The following DOCK3 variants were observed in gnomAD, a reference collection of about 807,000 sequenced individuals.
DOCK3 encodes the protein dedicator of cytokinesis protein 3.
Under a neutral mutation model 265.6 loss-of-function variants are expected in DOCK3, and 60 were observed. That is an observed-to-expected ratio of 0.23 (90% CI 0.18 to 0.28). The LOEUF (loss-of-function observed/expected upper bound fraction) is 0.28. Among genes scored for constraint, DOCK3 ranks in the 10% least tolerant of loss-of-function variants. The pLI is 1.00. For missense variants in DOCK3, 1,981 were observed against 2,594.3 expected, an observed-to-expected ratio of 0.76 and a Z score of 5.14; for synonymous variants, 881 against 938.0, an observed-to-expected ratio of 0.94 and a Z score of 1.11.
rs1022264802 is a variant in DOCK3 at position 50,924,691 on chromosome 3, C to T, written c.219-9290C>T. Among the ~76,000 whole-genome samples the T allele has an allele frequency of 2.6e-4, 39 of 152,150 alleles. 1 individual carries two copies. Among genetic ancestry groups the T allele is most frequent in the Admixed American group, 2.6e-3 (39 of 15,278 alleles). ...GTACCACATCCAAGTCTCAGGGTTGCCCACTGCTACCGGTCAGTTCTGATT... is the reference window on the plus strand; with the variant it reads ...GTACCACATCCAAGTCTCAGGGTTGTCCACTGCTACCGGTCAGTTCTGATT... On this transcript the variant is annotated intron_variant, in intron 4 of 52. Coordinates refer to ENST00000266037, the MANE Select transcript of DOCK3 (RefSeq NM_004947.5).
chr3:51,273,040 T>TA (rs1165405382), intron 24 of DOCK3, among the ~76,000 whole-genome samples: 1 of 151,532 alleles, frequency 6.6e-6, no homozygotes, highest in Non-Finnish European at 1.5e-5. Context: ...TGGGCGCCTG[T>TA]AGTCCCAGCT....
chr3:50,748,653 T>C (rs1307408058), intron 1 of DOCK3, among the ~76,000 whole-genome samples: 1 of 152,220 alleles, frequency 6.6e-6, no homozygotes, highest in South Asian at 2.1e-4. Flanking sequence ...TTTTAGGCTT[T>C]CCATGGCTTA....
In DOCK3 at chr3:51,208,807, C is replaced by A. The variant is rs898614386; in HGVS notation, c.1071C>A (p.His357Gln). The A allele has an allele frequency of 6.2e-7, 1 of 1,611,890 alleles. No individual in the cohort carries two copies. Among genetic ancestry groups the A allele is most frequent in the East Asian group, 2.2e-5 (1 of 44,846 alleles). Residue 357 changes from histidine (H) to glutamine (Q), a missense_variant, in exon 13 of 53, where the codon CAC (histidine) becomes CAA (glutamine). By Grantham distance (24) the His-to-Gln change is conservative. Coordinates refer to ENST00000266037, the MANE Select transcript of DOCK3 (RefSeq NM_004947.5). ...CNNESEWSQI[H>Q]ENIIRKSSAK... ...ACGAGAGTGAGTGGTCCCAGATCCA[C>A]GAGAACATCATCCGAAAGTCCAGTG... is the stretch of plus-strand genomic sequence containing the variant.
chr3:51,033,010 G>A lies in DOCK3; in HGVS notation c.316-31438G>A, dbSNP rs1365114361. Among the ~76,000 whole-genome samples the A allele has an allele frequency of 2.0e-5, 3 of 152,200 alleles. No individual in the cohort carries two copies. The South Asian group carries it at 6.2e-4, about 32-fold the overall frequency. On this transcript the variant is annotated intron_variant, in intron 5 of 52. Coordinates refer to ENST00000266037, the MANE Select transcript of DOCK3 (RefSeq NM_004947.5). ...ATTTAGTCCATCTTGAGAACTGAGG[G>A]TCTTGGAAATTTAACTATGTCAATG...
At chr3:51,039,975 A>G (rs1018208270) in intron 5 of DOCK3, among the ~76,000 whole-genome samples, 16 of 132,116 alleles carry the variant, frequency 1.2e-4, no homozygotes, top group African/African-American at 4.6e-4. Context: ...TACTTTTTAT[A>G]TTATTAGCTC....
chr3:50,869,750 T>G (rs1431093552), intron 3 of DOCK3, among the ~76,000 whole-genome samples: 2 of 152,130 alleles, frequency 1.3e-5, no homozygotes, highest in Non-Finnish European at 2.9e-5. Flanking sequence ...GATTGTTAGA[T>G]TATTCATTCA....
At chr3:50,851,617 G>T (rs556392585) in intron 3 of DOCK3, among the ~76,000 whole-genome samples, 65 of 152,244 alleles carry the variant, frequency 4.3e-4, no homozygotes, top group African/African-American at 1.5e-3. Flanking sequence ...AGCAGGCTGG[G>T]GCATCCAGCA....
chr3:50,878,051 G>A (rs1301575180), intron 3 of DOCK3, among the ~76,000 whole-genome samples: 1 of 152,194 alleles, frequency 6.6e-6, no homozygotes, highest in African/African-American at 2.4e-5. Flanking sequence ...CAGACCTGCA[G>A]CTGAAGGTCC....
chr3:50,969,640 C>T (rs2077134741), intron 5 of DOCK3, among the ~76,000 whole-genome samples: 1 of 152,040 alleles, frequency 6.6e-6, no homozygotes, highest in Non-Finnish European at 1.5e-5. Context: ...ATGTTTAGAA[C>T]TCTGTTGAAC....
chr3:51,050,671 T>C (rs1042104021), intron 5 of DOCK3, among the ~76,000 whole-genome samples: 4 of 152,192 alleles, frequency 2.6e-5, no homozygotes, highest in African/African-American at 9.7e-5. Flanking sequence ...AGAAGATGAA[T>C]GTCTCAGCTC....
intron 4 of DOCK3, among the ~76,000 whole-genome samples, chr3:50,907,553 T>G (rs2049592468): frequency 6.6e-6 from 1 of 152,128 alleles, no homozygotes; most frequent in South Asian, 2.1e-4. Flanking sequence ...AAAGTCTGTT[T>G]TATCAGAGAC....
chr3:51,169,306 A>C (rs904311154), intron 12 of DOCK3, among the ~76,000 whole-genome samples: 2 of 152,234 alleles, frequency 1.3e-5, no homozygotes, highest in Admixed American at 6.5e-5. Context: ...TTGTAGCACT[A>C]TTCACAATAG....
chr3:50,754,157 C>CAAAAAAA (rs71084110), intron 1 of DOCK3, among the ~76,000 whole-genome samples: 1 of 61,570 alleles, frequency 1.6e-5, no homozygotes, highest in Non-Finnish European at 2.6e-5. Context: ...GACTCTGTCT[C>CAAAAAAA]AAAAAAAAAA....
intron 22 of DOCK3, among the ~76,000 whole-genome samples, chr3:51,256,641 T>C (rs1198138743): frequency 6.6e-6 from 1 of 150,738 alleles, no homozygotes; most frequent in Non-Finnish European, 1.5e-5. Context: ...TTGTGCAGGC[T>C]GGACTGCAGA....
intron 4 of DOCK3, chr3:50,901,816 G>T (rs1457672121): frequency 2.7e-6 from 1 of 375,480 alleles, no homozygotes. Context: ...TGTCTAACCA[G>T]TCCCAATGAG....
chr3:50,979,019 A>C (rs1392798029), intron 5 of DOCK3, among the ~76,000 whole-genome samples: 3 of 152,114 alleles, frequency 2.0e-5, no homozygotes. Context: ...TACGGTGCGC[A>C]CACCCACTGA....
chr3:50,729,560 G>C (rs2038062701), intron 1 of DOCK3, among the ~76,000 whole-genome samples: 1 of 151,822 alleles, frequency 6.6e-6, no homozygotes, highest in African/African-American at 2.4e-5. Context: ...TTTTAAGAGA[G>C]GGTCTCATTC....
At chr3:51,074,991 A>G (rs1469381897) in intron 6 of DOCK3, among the ~76,000 whole-genome samples, 2 of 152,260 alleles carry the variant, frequency 1.3e-5, no homozygotes, top group Non-Finnish European at 2.9e-5. Context: ...AAACTAATGC[A>G]TAACTAAACC....
intron 9 of DOCK3, among the ~76,000 whole-genome samples, chr3:51,138,943 A>G (rs144765770): frequency 2.0e-5 from 3 of 152,302 alleles, no homozygotes; most frequent in African/African-American, 7.2e-5. Context: ...AAAATATATT[A>G]TGGTTCAAAC....
Sources: gnomAD v4.1 joint callset for allele counts (sites outside exome capture counted in the v4.1 genomes callset) on GRCh38, gnomAD v4.1.1 for gene constraint, MANE v1.5 for transcripts, NCBI Gene and HGNC (gene_info 2026-07-23, HGNC 2026-07-21) for gene names.